The following LMBR1 variants were observed in gnomAD, a reference collection of about 807,000 sequenced individuals.
LMBR1 encodes the protein limb region 1 protein homolog.
LMBR1 carries 52 observed loss-of-function variants against 73.9 expected under a neutral mutation model. The ratio of observed to expected loss-of-function variants is 0.70; its 90% CI spans 0.56 to 0.89. The LOEUF is 0.89. LMBR1 is among the 40% of genes least tolerant of loss of function. The pLI is 0.00. For synonymous variants in LMBR1, 215 were observed against 209.4 expected, an observed-to-expected ratio of 1.03 and a Z score of -0.23; for missense variants, 539 against 579.8, an observed-to-expected ratio of 0.93 and a Z score of 0.72.
At chr7:156,684,545 C>T (rs1805608764) in intron 16 of LMBR1, among the ~76,000 whole-genome samples, 1 of 152,220 alleles carries the variant, frequency 6.6e-6, no homozygotes, top group African/African-American at 2.4e-5. Flanking sequence ...CAGCCCCTTC[C>T]TCTTCCGTTG....
intron 4 of LMBR1, among the ~76,000 whole-genome samples, chr7:156,803,033 A>G (rs1336095550): frequency 1.3e-5 from 2 of 152,200 alleles, no homozygotes; most frequent in African/African-American, 2.4e-5. Flanking sequence ...TGTTAGACCT[A>G]AAACCATAAA....
intron 5 of LMBR1, among the ~76,000 whole-genome samples, chr7:156,767,924 G>C (rs1824414516): frequency 6.6e-6 from 1 of 151,978 alleles, no homozygotes; most frequent in African/African-American, 2.4e-5. Context: ...ACAGGAGTCT[G>C]GTTTAAATAC....
At chr7:156,720,697 T>A (rs2132319725) in intron 15 of LMBR1, among the ~76,000 whole-genome samples, 1 of 151,612 alleles carries the variant, frequency 6.6e-6, no homozygotes, top group East Asian at 1.9e-4. Flanking sequence ...TAAGTCATAT[T>A]ATTCATTTAT....
At chr7:156,877,780 G>A (rs1800414601) in intron 1 of LMBR1, among the ~76,000 whole-genome samples, 2 of 151,930 alleles carry the variant, frequency 1.3e-5, no homozygotes, top group South Asian at 4.1e-4. Flanking sequence ...CTACTCGGGA[G>A]GCTGAAGCAG....
intron 9 of LMBR1, among the ~76,000 whole-genome samples, chr7:156,740,176 G>A (rs1818627154): frequency 6.6e-6 from 1 of 152,018 alleles, no homozygotes; most frequent in Non-Finnish European, 1.5e-5. Flanking sequence ...TGAGCTTGAA[G>A]ACAGGCTGTT....
chr7:156,868,174 T>C (rs1482573689), intron 1 of LMBR1, among the ~76,000 whole-genome samples: 2 of 151,188 alleles, frequency 1.3e-5, no homozygotes, highest in Non-Finnish European at 2.9e-5. Flanking sequence ...TATAGATCTA[T>C]AAATTTGAAA....
chr7:156,858,368 A>T (rs1797267946), intron 1 of LMBR1, among the ~76,000 whole-genome samples: 1 of 152,208 alleles, frequency 6.6e-6, no homozygotes, highest in African/African-American at 2.4e-5. Context: ...AATCTACCAA[A>T]ACTTCCAAGT....
At position 156,727,958 on chromosome 7, in the gene LMBR1, T is replaced by C; in HGVS notation, c.965A>G (p.Asp322Gly). ...VACNILCLLV[D>G]ETAMPKGTRG... ...TGTTCCTTTTGGCATTGCTGTTTCA[T>C]CAACCAATAGGCAAAGAATATTACA... Residue 322 changes from aspartate to glycine, a missense_variant, in exon 12 of 17, where the codon GAT (aspartate) becomes GGT (glycine). By Grantham distance (94) the Asp-to-Gly change is moderately conservative. Around this residue, in one of 3 missense-constraint regions of LMBR1, gnomAD observed 454 missense variants for 473.4 expected, o/e 0.96. Coordinates refer to ENST00000353442, the MANE Select transcript of LMBR1 (RefSeq NM_022458.4). The C allele has an allele frequency of 1.2e-6, 2 of 1,613,504 alleles. No individual in the cohort carries two copies. The highest frequency in any genetic ancestry group is 1.7e-6 in the Non-Finnish European group (2 of 1,179,734).
intron 9 of LMBR1, among the ~76,000 whole-genome samples, chr7:156,755,825 T>C (rs1366498183): frequency 1.3e-5 from 2 of 152,192 alleles, no homozygotes; most frequent in East Asian, 3.8e-4. Flanking sequence ...TTTGGGGTGA[T>C]GATTTAAATT....
chr7:156,675,297 C>T (rs1352298610), downstream of LMBR1, among the ~76,000 whole-genome samples: 4 of 152,190 alleles, frequency 2.6e-5, no homozygotes, highest in African/African-American at 4.8e-5. Flanking sequence ...TGTCTCCTCC[C>T]GGCTCCCTCC....
intron 15 of LMBR1, among the ~76,000 whole-genome samples, chr7:156,692,004 A>G (rs1489131715): frequency 1.3e-5 from 2 of 152,220 alleles, no homozygotes; most frequent in African/African-American, 2.4e-5. Flanking sequence ...ATTCAAAAAC[A>G]AAGTCATCAT....
At chr7:156,718,420 A>G (rs1405436709) in intron 15 of LMBR1, among the ~76,000 whole-genome samples, 5 of 143,132 alleles carry the variant, frequency 3.5e-5, no homozygotes, top group Non-Finnish European at 7.6e-5. Context: ...AGAAGGAAAA[A>G]GAAAAAAAAA....
chr7:156,676,584 G>T (rs909187778), downstream of LMBR1: 5 of 1,614,214 alleles, frequency 3.1e-6, no homozygotes, highest in Non-Finnish European at 4.2e-6. Flanking sequence ...GTTCTCCGTG[G>T]GAGACAGGCC....
intron 3 of LMBR1, among the ~76,000 whole-genome samples, chr7:156,828,615 A>G (rs749106524): frequency 4.6e-5 from 7 of 152,214 alleles, no homozygotes; most frequent in Admixed American, 2.6e-4. Context: ...AAAAAAAGCC[A>G]TATCTACAGA....
At chr7:156,720,148 T>C (rs1318135134) in intron 15 of LMBR1, among the ~76,000 whole-genome samples, 2 of 151,490 alleles carry the variant, frequency 1.3e-5, no homozygotes, top group African/African-American at 2.4e-5. Flanking sequence ...CAAAAGAAAC[T>C]ACCATCAGAG....
chr7:156,699,373 T>C (rs1335788677), intron 15 of LMBR1, among the ~76,000 whole-genome samples: 19 of 151,862 alleles, frequency 1.3e-4, no homozygotes, highest in African/African-American at 4.4e-4. Context: ...TGAAACTGGA[T>C]CCCTTCCTTA....
At chr7:156,801,033 T>C (rs376972759) in intron 4 of LMBR1, among the ~76,000 whole-genome samples, 2 of 152,208 alleles carry the variant, frequency 1.3e-5, no homozygotes, top group South Asian at 2.1e-4. Flanking sequence ...GCTGTGAACA[T>C]TGTGGAAATG....
At chr7:156,849,455 G>GT (rs1450091489) in intron 1 of LMBR1, among the ~76,000 whole-genome samples, 1 of 152,108 alleles carries the variant, frequency 6.6e-6, no homozygotes, top group East Asian at 1.9e-4. Context: ...GTGAAACATA[G>GT]TAACAAACCT....
chr7:156,875,855 G>C (rs929083954), intron 1 of LMBR1, among the ~76,000 whole-genome samples: 5 of 149,030 alleles, frequency 3.4e-5, no homozygotes, highest in Non-Finnish European at 7.4e-5. Flanking sequence ...CATTAAAACA[G>C]AACCTCTTTA....
Sources: gnomAD v4.1 joint callset for allele counts (sites outside exome capture counted in the v4.1 genomes callset) on GRCh38, gnomAD v4.1.1 for gene constraint, gnomAD v4.1.1 regional missense constraint, MANE v1.5 for transcripts, NCBI Gene and HGNC (gene_info 2026-07-23, HGNC 2026-07-21) for gene names.